The following PDGFB variants were observed in gnomAD, a reference collection of about 807,000 sequenced individuals.
PDGFB encodes the protein platelet derived growth factor subunit B.
PDGFB carries 6 observed loss-of-function variants against 29.0 expected under a neutral mutation model. That is an observed-to-expected ratio of 0.21 (90% confidence interval 0.11 to 0.41). The LOEUF is 0.41. Among genes scored for constraint, PDGFB ranks in the 10% least tolerant of loss-of-function variants. The pLI is 1.00. For missense variants in PDGFB, 299 were observed against 341.8 expected (o/e 0.87, Z 0.99); for synonymous variants, 144 against 140.8 (o/e 1.02, Z -0.16).
intron 5 of PDGFB, among the ~76,000 whole-genome samples, chr22:39,227,594 A>G (rs939034948): frequency 6.6e-6 from 1 of 152,228 alleles, no homozygotes; most frequent in Non-Finnish European, 1.5e-5. Flanking sequence ...ACTGAAGCAG[A>G]GAGACTGGGA....
At chr22:39,241,725 G>A (rs1429133756) in intron 1 of PDGFB, among the ~76,000 whole-genome samples, 1 of 152,106 alleles carries the variant, frequency 6.6e-6, no homozygotes, top group Non-Finnish European at 1.5e-5. Flanking sequence ...CCCCCTCCGC[G>A]GTTGCACACG....
chr22:39,227,688 G>A (rs1360444476), intron 5 of PDGFB, among the ~76,000 whole-genome samples: 2 of 152,138 alleles, frequency 1.3e-5, no homozygotes, highest in Non-Finnish European at 2.9e-5. Context: ...CAGTCAAGGG[G>A]AGCTCTTATA....
At chr22:39,227,986 C>T (rs918199008) in intron 5 of PDGFB, among the ~76,000 whole-genome samples, 8 of 152,178 alleles carry the variant, frequency 5.3e-5, no homozygotes, top group Admixed American at 2.0e-4. Context: ...TTCCCCAGAG[C>T]CTGGGCCATC....
chr22:39,240,058 C>A (rs182839181), intron 1 of PDGFB, among the ~76,000 whole-genome samples: 21 of 152,250 alleles, frequency 1.4e-4, no homozygotes, highest in Non-Finnish European at 2.6e-4. Flanking sequence ...CCTCTCGGGG[C>A]AAACCACAGA....
In PDGFB at chr22:39,243,983, C is replaced by G. The variant is rs775482940; in HGVS notation, c.-20G>C. 6.4e-7 allele frequency: 1 copy of G among 1,565,566 alleles called. No individual in the cohort carries two copies. Among genetic ancestry groups the G allele is most frequent in the East Asian group, 2.4e-5 (1 of 41,552 alleles). ...ATTCATGCCGACTCCGGGCCCGGCC[C>G]CGCGGGGCCCCGGACGCGTAGATCG... On this transcript the variant is annotated 5_prime_UTR_variant, in exon 1 of 7. Coordinates refer to ENST00000331163, the MANE Select transcript of PDGFB (RefSeq NM_002608.4). The surrounding 1 kb of genome is among the most constrained non-coding windows in gnomAD (Gnocchi z 6.4).
chr22:39,230,752 G>A (rs530056167), intron 4 of PDGFB, among the ~76,000 whole-genome samples: 154 of 152,374 alleles, frequency 1.0e-3, no homozygotes, highest in South Asian at 2.7e-3. Flanking sequence ...GCCAGGGAGG[G>A]AAGGTGGGCA....
In PDGFB at chr22:39,244,168, G is replaced by C; in HGVS notation, c.-205C>G. ...CCCGGCTCCGTCGCTGGGGGGCAGG[G>C]GAGGACCTGGGCGCAGGACCTGGGT... On this transcript the variant is annotated 5_prime_UTR_variant, in exon 1 of 7. Coordinates refer to ENST00000331163, the MANE Select transcript of PDGFB (RefSeq NM_002608.4). This position sits in a 1 kb window ranked among gnomAD's most constrained non-coding sequence, Gnocchi z 4.5. The C allele has an allele frequency of 6.9e-6, 2 of 289,008 alleles. No homozygotes were observed. The highest frequency in any genetic ancestry group is 1.3e-5 in the Non-Finnish European group (2 of 155,886). The allele number at this position is 289,008 out of a possible 1,614,324, so 17.9% of individuals were successfully genotyped here.
chr22:39,228,207 A>G (rs9611118), intron 5 of PDGFB, among the ~76,000 whole-genome samples: 56,629 of 152,168 alleles, frequency 0.37, 11,088 homozygotes, highest in Middle Eastern at 0.49. Flanking sequence ...GGGACTTTAC[A>G]TCATCTACGT....
chr22:39,235,310 G>A (rs1480708337), intron 2 of PDGFB, among the ~76,000 whole-genome samples: 1 of 152,188 alleles, frequency 6.6e-6, no homozygotes, highest in Non-Finnish European at 1.5e-5. Context: ...CCACGTGTGT[G>A]CCACCGAGCA....
At chr22:39,234,869 A>G (rs1419467712) in intron 2 of PDGFB, among the ~76,000 whole-genome samples, 2 of 152,106 alleles carry the variant, frequency 1.3e-5, no homozygotes, top group African/African-American at 4.8e-5. Context: ...AATGGTAGAA[A>G]GGCTAAATTT....
intron 1 of PDGFB, among the ~76,000 whole-genome samples, chr22:39,236,741 G>A (rs1932452796): frequency 6.6e-6 from 1 of 152,238 alleles, no homozygotes; most frequent in Non-Finnish European, 1.5e-5. Flanking sequence ...TCCCAAGAAA[G>A]AGGCGAGGGC....
At position 39,225,287 on chromosome 22, in the gene PDGFB, A is replaced by C; in HGVS notation, c.*55T>G. On this transcript the variant is annotated 3_prime_UTR_variant, in exon 7 of 7. Coordinates refer to ENST00000331163, the MANE Select transcript of PDGFB (RefSeq NM_002608.4). ...TCACTCCAAGGACCCCATGGGGGCA[A>C]TACAGCAAATACCATATTAAATAAC... 6.5e-6 allele frequency: 1 copy of C among 155,030 alleles called. No homozygotes were observed. The highest frequency in any genetic ancestry group is 1.4e-5 in the Non-Finnish European group (1 of 69,762). 9.6% of individuals were successfully genotyped at this position (155,030 alleles called of 1,614,324 possible).
In PDGFB at chr22:39,231,857, C is replaced by T. The variant is rs766951424; in HGVS notation, c.251-30G>A. ...GAGGAGACGAAACCTGGGTCAGGAGCGTAGGCCTGTCCAGAGTCCCCCCAC... is the reference window on the plus strand; with the variant it reads ...GAGGAGACGAAACCTGGGTCAGGAGTGTAGGCCTGTCCAGAGTCCCCCCAC... On this transcript the variant is annotated intron_variant, in intron 3 of 6. Coordinates refer to ENST00000331163, the MANE Select transcript of PDGFB (RefSeq NM_002608.4). This position sits in a 1 kb window ranked among gnomAD's most constrained non-coding sequence, Gnocchi z 4.3. 3.1e-5 allele frequency: 50 copies of T among 1,591,882 alleles called. No homozygotes were observed. Among genetic ancestry groups the T allele is most frequent in the Non-Finnish European group, 4.1e-5 (48 of 1,168,512 alleles).
intron 1 of PDGFB, among the ~76,000 whole-genome samples, chr22:39,237,596 C>T (rs1318114919): frequency 6.6e-6 from 1 of 152,212 alleles, no homozygotes; most frequent in Non-Finnish European, 1.5e-5. Flanking sequence ...TTCTTTCCAC[C>T]TCAGAAGAGA....
At chr22:39,235,190 G>A (rs1299581148) in intron 2 of PDGFB, among the ~76,000 whole-genome samples, 1 of 152,212 alleles carries the variant, frequency 6.6e-6, no homozygotes, top group Non-Finnish European at 1.5e-5. Context: ...GGGGGTGCAG[G>A]GGGGCTGCTG....
At chr22:39,225,547 A>C (rs1601594416) in intron 6 of PDGFB, 148 bp downstream of exon 6, 1 of 739,998 alleles carries the variant, frequency 1.4e-6, no homozygotes, top group Non-Finnish European at 2.1e-6. Flanking sequence ...CCCACCACCC[A>C]CCCTGCCCCA....
intron 5 of PDGFB, 53 bp from the exon 6 acceptor site, chr22:39,225,900 C>G (rs1175052561): frequency 3.2e-5 from 50 of 1,570,136 alleles, no homozygotes; most frequent in Non-Finnish European, 4.3e-5. Flanking sequence ...GGGGAGGTCT[C>G]TCCCCACTGA....
At chr22:39,233,041 C>T (rs892525928) in intron 3 of PDGFB, among the ~76,000 whole-genome samples, 5 of 152,218 alleles carry the variant, frequency 3.3e-5, no homozygotes, top group African/African-American at 9.6e-5. Context: ...CATCAGGGAC[C>T]ACGCTGGGTT....
chr22:39,243,878 C>G lies in PDGFB; in HGVS notation c.63+23G>C. 6 of 1,589,750 alleles carry G rather than the reference C, an allele frequency of 3.8e-6. No homozygotes were observed. Among genetic ancestry groups the G allele is most frequent in the Non-Finnish European group, 4.3e-6 (5 of 1,166,376 alleles). The stretch of plus-strand genomic sequence containing the variant: ...GCGAAGGTAATGAATGAAGAACCAG[C>G]CCCAGCCGCCGTGGCAACTCACCTC... On this transcript the variant is annotated intron_variant, in intron 1 of 6. Coordinates refer to ENST00000331163, the MANE Select transcript of PDGFB (RefSeq NM_002608.4). The surrounding 1 kb of genome is among the most constrained non-coding windows in gnomAD (Gnocchi z 6.4).
Sources: gnomAD v4.1 joint callset for allele counts (sites outside exome capture counted in the v4.1 genomes callset) on GRCh38, gnomAD v4.1.1 for gene constraint, Gnocchi (gnomAD v3.1) non-coding constraint, MANE v1.5 for transcripts, NCBI Gene and HGNC (gene_info 2026-07-23, HGNC 2026-07-21) for gene names.